The following AKAP7 variants were observed in gnomAD, a reference collection of about 807,000 sequenced individuals.
AKAP7 encodes A kinase (PRKA) anchor protein 7.
Under a neutral mutation model 39.5 loss-of-function variants are expected in AKAP7, and 39 were observed. The ratio of observed to expected loss-of-function variants is 0.99; its 90% confidence interval spans 0.76 to 1.29. The LOEUF (loss-of-function observed/expected upper bound fraction) is 1.29, where lower values mean the gene tolerates loss of function less well. AKAP7 is among the 50% of genes most tolerant of loss of function. The pLI is 0.00. For missense variants in AKAP7, 414 were observed against 407.7 expected, an observed-to-expected ratio of 1.02 and a Z score of -0.13; for synonymous variants, 140 against 139.1, an observed-to-expected ratio of 1.01 and a Z score of -0.05.
intron 5 of AKAP7, among the ~76,000 whole-genome samples, chr6:131,189,542 A>G (rs547601654): frequency 2.6e-5 from 4 of 152,302 alleles, no homozygotes; most frequent in African/African-American, 9.6e-5. Context: ...GATCTGTTAC[A>G]GTTTACTTTG....
intron 7 of AKAP7, chr6:131,253,182 G>T: frequency 1.5e-6 from 2 of 1,324,522 alleles, no homozygotes; most frequent in Non-Finnish European, 2.1e-6. Context: ...GTGGTAGATA[G>T]AAATAATTCT....
intron 7 of AKAP7, among the ~76,000 whole-genome samples, chr6:131,233,323 A>C (rs969419078): frequency 1.3e-5 from 2 of 152,124 alleles, no homozygotes; most frequent in South Asian, 4.1e-4. Context: ...AATCAGGCAG[A>C]CCTTATTCTA....
chr6:131,230,843 A>G (rs1810568276), intron 7 of AKAP7, among the ~76,000 whole-genome samples: 1 of 152,168 alleles, frequency 6.6e-6, no homozygotes, highest in South Asian at 2.1e-4. Flanking sequence ...TGAAGAAACT[A>G]TAGCTTGTCA....
At chr6:131,236,249 G>A (rs530893023) in intron 7 of AKAP7, among the ~76,000 whole-genome samples, 218 of 152,232 alleles carry the variant, frequency 1.4e-3, no homozygotes, top group African/African-American at 5.0e-3. Flanking sequence ...GCTCTGTTCT[G>A]TTCCATTGGT....
At chr6:131,145,460 A>G in intron 2 of AKAP7, 44 bp downstream of exon 2, 1 of 1,256,898 alleles carries the variant, frequency 8.0e-7, no homozygotes, top group South Asian at 2.4e-5. Flanking sequence ...AGCAATGAGT[A>G]GTAAATTTAG....
At chr6:131,138,307 A>G (rs1224586504) in intron 1 of AKAP7, among the ~76,000 whole-genome samples, 1 of 152,216 alleles carries the variant, frequency 6.6e-6, no homozygotes, top group African/African-American at 2.4e-5. Flanking sequence ...ATTCTTTTGT[A>G]TGGCTGAATA....
At chr6:131,263,054 G>GAACT in intron 7 of AKAP7, among the ~76,000 whole-genome samples, 1 of 152,334 alleles carries the variant, frequency 6.6e-6, no homozygotes, top group Admixed American at 6.5e-5. Context: ...AAGGATCTGG[G>GAACT]AACTAGTCAG....
intron 7 of AKAP7, chr6:131,250,594 C>G (rs1812369459): frequency 6.2e-7 from 1 of 1,614,016 alleles, no homozygotes; most frequent in Non-Finnish European, 8.5e-7. Context: ...GCTTTCCTTT[C>G]TCAAGAGATG....
chr6:131,225,397 A>G (rs1316668153), intron 7 of AKAP7, among the ~76,000 whole-genome samples: 1 of 152,196 alleles, frequency 6.6e-6, no homozygotes. Flanking sequence ...CTCATCCGTA[A>G]GGAGTTGGGA....
intron 5 of AKAP7, among the ~76,000 whole-genome samples, chr6:131,192,897 A>G (rs1026723683): frequency 6.6e-6 from 1 of 152,146 alleles, no homozygotes; most frequent in Admixed American, 6.5e-5. Flanking sequence ...CTATTGTCAT[A>G]TAGAAATGCT....
chr6:131,243,758 A>G (rs989502288), intron 7 of AKAP7, among the ~76,000 whole-genome samples: 3 of 152,228 alleles, frequency 2.0e-5, no homozygotes, highest in Non-Finnish European at 4.4e-5. Flanking sequence ...AAAAACCTCC[A>G]ATGATTTAGA....
chr6:131,277,042 A>C (rs937802446), intron 7 of AKAP7, among the ~76,000 whole-genome samples: 21 of 152,188 alleles, frequency 1.4e-4, no homozygotes, highest in African/African-American at 4.8e-4. Context: ...ACAGATATAA[A>C]TTTTATCCCT....
chr6:131,185,009 A>G (rs919482989), intron 5 of AKAP7: 4 of 757,786 alleles, frequency 5.3e-6, no homozygotes, highest in African/African-American at 5.1e-5. Context: ...CCAGGAAGTC[A>G]TCTGGTTCTA....
At chr6:131,255,636 C>T (rs1812780101) in intron 7 of AKAP7, among the ~76,000 whole-genome samples, 1 of 152,174 alleles carries the variant, frequency 6.6e-6, no homozygotes, top group Admixed American at 6.5e-5. Flanking sequence ...AGACAGAGCA[C>T]AGGCCTGGGA....
intron 7 of AKAP7, among the ~76,000 whole-genome samples, chr6:131,256,184 AT>A (rs1418431730): frequency 2.0e-5 from 3 of 152,142 alleles, no homozygotes; most frequent in Non-Finnish European, 2.9e-5. Context: ...CTGAGACTAC[AT>A]TTTGCGTAAG....
intron 5 of AKAP7, among the ~76,000 whole-genome samples, chr6:131,191,845 G>GTTTTT (rs34409067): frequency 7.4e-6 from 1 of 135,380 alleles, no homozygotes; most frequent in Non-Finnish European, 1.6e-5. Flanking sequence ...TCCTCGTGGT[G>GTTTTT]TTTTTTTTTT....
intron 4 of AKAP7, among the ~76,000 whole-genome samples, chr6:131,167,671 T>C (rs541190397): frequency 1.3e-5 from 2 of 152,174 alleles, no homozygotes; most frequent in East Asian, 3.9e-4. Flanking sequence ...TATAGTGCAT[T>C]TGTCATTTCC....
the AKAP7 span, among the ~76,000 whole-genome samples, chr6:131,126,823 G>T: frequency 2.1e-3 from 313 of 152,266 alleles, no homozygotes; most frequent in African/African-American, 6.3e-3. Flanking sequence ...TGAACAAAGA[G>T]AAATCGGAGT....
chr6:131,178,339 G>A (rs1804772114), intron 5 of AKAP7, among the ~76,000 whole-genome samples: 1 of 152,214 alleles, frequency 6.6e-6, no homozygotes, highest in Admixed American at 6.5e-5. Flanking sequence ...AAAATAAAGT[G>A]AGATAATCTA....
Sources: allele counts gnomAD v4.1 joint callset (sites outside exome capture counted in the v4.1 genomes callset), GRCh38; gene constraint gnomAD v4.1.1; transcripts MANE v1.5; gene names NCBI Gene and HGNC (gene_info 2026-07-23, HGNC 2026-07-21).